Variants in BICRA observed in about 807,000 individuals in gnomAD.
BICRA encodes BRD4-interacting chromatin-remodeling complex-associated protein.
BICRA carries 31 observed loss-of-function variants against 96.9 expected under a neutral mutation model. That is an observed-to-expected ratio of 0.32 (90% confidence interval 0.24 to 0.43). The LOEUF (loss-of-function observed/expected upper bound fraction) is 0.43, where lower values mean the gene tolerates loss of function less well. Ranked by LOEUF, BICRA falls within the 20% of genes least tolerant of loss-of-function variation. The pLI is 1.00. For missense variants in BICRA, 2,283 were observed against 2,190.3 expected, an observed-to-expected ratio of 1.04 and a Z score of -0.84; for synonymous variants, 1,350 against 1,071.8, an observed-to-expected ratio of 1.26 and a Z score of -5.07.
rs372744360 is a variant in BICRA at position 47,701,369 on chromosome 19, G to A, written c.3637G>A (p.Ala1213Thr). 41 of 1,610,888 alleles carry A rather than the reference G, an allele frequency of 2.5e-5. No individual in the cohort carries two copies. Among genetic ancestry groups the A allele is most frequent in the Non-Finnish European group, 3.2e-5 (38 of 1,179,216 alleles). Residue 1213 changes from alanine to threonine, a missense_variant, in exon 15 of 15, where the codon GCA (alanine) becomes ACA (threonine). Coordinates refer to ENST00000594866, the MANE Select transcript of BICRA (RefSeq NM_001394372.1). This position sits in a 1 kb window ranked among gnomAD's most constrained non-coding sequence, Gnocchi z 5.4. ...SSSRSLGLPIAASSEGHRLPG... is the reference protein window; with the variant it reads ...SSSRSLGLPITASSEGHRLPG... ...CTCCCGCTCGCTCGGCCTCCCCATCGCAGCCTCTTCCGAGGGTCATCGGCT... is the reference window on the plus strand; with the variant it reads ...CTCCCGCTCGCTCGGCCTCCCCATCACAGCCTCTTCCGAGGGTCATCGGCT...
intron 1 of BICRA, among the ~76,000 whole-genome samples, chr19:47,609,609 A>G (rs1235298713): frequency 1.4e-5 from 2 of 145,726 alleles, no homozygotes; most frequent in Admixed American, 6.8e-5. Context: ...GGGCGCGGAG[A>G]CCCCCTCCCC....
At chr19:47,697,771 C>G (rs1171633025) in intron 11 of BICRA, among the ~76,000 whole-genome samples, 1 of 152,184 alleles carries the variant, frequency 6.6e-6, no homozygotes, top group East Asian at 1.9e-4. Context: ...AGCCACCATG[C>G]CCGGCCTAGG....
At chr19:47,670,621 C>T (rs541906174) in intron 2 of BICRA, 77 bp downstream of exon 2, 1 of 152,368 alleles carries the variant, frequency 6.6e-6, no homozygotes, top group African/African-American at 2.4e-5. Flanking sequence ...CCACCTTGGC[C>T]CCTGGATGAG....
chr19:47,671,717 G>T (rs1364740183), intron 2 of BICRA, among the ~76,000 whole-genome samples: 1 of 150,364 alleles, frequency 6.7e-6, no homozygotes, highest in Non-Finnish European at 1.5e-5. Context: ...GTGGGTAGAT[G>T]GGTAGAAGGA....
chr19:47,656,564 G>A (rs1972621866), intron 1 of BICRA, among the ~76,000 whole-genome samples: 1 of 152,100 alleles, frequency 6.6e-6, no homozygotes, highest in Non-Finnish European at 1.5e-5. Context: ...GTAATATATA[G>A]AACACAGCCA....
At chr19:47,695,833 GAGAC>G (rs1197589357) in intron 10 of BICRA, among the ~76,000 whole-genome samples, 1 of 152,134 alleles carries the variant, frequency 6.6e-6, no homozygotes, top group African/African-American at 2.4e-5. Context: ...GGGTTTAGAT[GAGAC>G]AGACCGGAGA....
chr19:47,685,786 T>TGCGCGCGTGC (rs1555790135), intron 7 of BICRA, among the ~76,000 whole-genome samples: 25 of 117,966 alleles, frequency 2.1e-4, no homozygotes, highest in South Asian at 1.5e-3. Context: ...TGTGTGTGTG[T>TGCGCGCGTGC]GCGCGCGCGC....
intron 1 of BICRA, among the ~76,000 whole-genome samples, chr19:47,664,386 C>G (rs1045133040): frequency 1.3e-5 from 2 of 152,132 alleles, no homozygotes; most frequent in African/African-American, 4.8e-5. Flanking sequence ...CATGGCTGTT[C>G]TCTGGAGCTG....
intron 1 of BICRA, among the ~76,000 whole-genome samples, chr19:47,647,675 T>C (rs892709219): frequency 8.5e-5 from 13 of 152,064 alleles, no homozygotes; most frequent in African/African-American, 2.4e-4. Flanking sequence ...CGGGTGAGGA[T>C]TGGAAGCCAT....
chr19:47,697,889 T>G (rs1353146018), intron 11 of BICRA, among the ~76,000 whole-genome samples: 1 of 152,218 alleles, frequency 6.6e-6, no homozygotes, highest in Non-Finnish European at 1.5e-5. Flanking sequence ...ATAATTTTTG[T>G]AGAGACAGGG....
chr19:47,686,090 C>T (rs1437951407), intron 7 of BICRA, among the ~76,000 whole-genome samples: 1 of 151,762 alleles, frequency 6.6e-6, no homozygotes, highest in Non-Finnish European at 1.5e-5. Flanking sequence ...GCCACCGCAT[C>T]CAGCTAATAT....
At position 47,699,392 on chromosome 19, in the gene BICRA, C is replaced by A; in HGVS notation, c.3582C>A (p.Ala1194=). ...CCCTTGCCTTGGATAAACAGCTGGC[C>A]AAGGAGAAGCCGGGTGAGAGGGGGG... ...KTTLALDKQL[A]KEKPDEYVSS... The change falls in exon 14 of 15, where the codon GCC becomes GCA. Residue 1194 remains alanine (A), a synonymous_variant. Coordinates refer to ENST00000594866, the MANE Select transcript of BICRA (RefSeq NM_001394372.1). The surrounding 1 kb of genome is among the most constrained non-coding windows in gnomAD (Gnocchi z 5.0). 2 of 1,553,898 alleles carry A rather than the reference C, an allele frequency of 1.3e-6. No individual in the cohort carries two copies. The highest frequency in any genetic ancestry group is 2.4e-5 in the East Asian group (1 of 41,666).
intron 1 of BICRA, among the ~76,000 whole-genome samples, chr19:47,664,485 T>G (rs1449575506): frequency 3.9e-5 from 6 of 152,196 alleles, no homozygotes. Context: ...TGAGTTCAAA[T>G]TCTGGTCCCA....
rs112116002 is a variant in BICRA at position 47,674,138 on chromosome 19, C to G, written c.84+376C>G. On this transcript the variant is annotated intron_variant, in intron 4 of 14. Transcript: ENST00000594866. ...GAGGGAGGTAACATTGAAGGTGAGA[C>G]CTGAAGGATCACAGGGAGGTAGGTG... 2.6e-5 allele frequency among the ~76,000 whole-genome samples: 4 copies of G among 152,204 alleles called. 1 individual carries two copies. The highest frequency in any genetic ancestry group is 5.9e-5 in the Non-Finnish European group (4 of 68,016).
chr19:47,702,069 G>A lies in BICRA; in HGVS notation c.4337G>A (p.Gly1446Asp). ...GAGCTGTACCAGCGTATGCTGAAGG[G>A]CCCCCCGCCAGAGCCCGCAGCCAGC... Reference protein sequence around the residue: ...EDELYQRMLKGPPPEPAASAA... With the variant: ...EDELYQRMLKDPPPEPAASAA... Residue 1446 changes from glycine (G) to aspartate (D), a missense_variant, in exon 15 of 15, where the codon GGC becomes GAC. By Grantham distance (94) the Gly-to-Asp change is moderately conservative. Coordinates refer to ENST00000594866, the MANE Select transcript of BICRA (RefSeq NM_001394372.1). The A allele has an allele frequency of 2.0e-6, 3 of 1,511,034 alleles. No homozygotes were observed. The highest frequency in any genetic ancestry group is 2.1e-4 in the Middle Eastern group (1 of 4,828). 93.6% of individuals were successfully genotyped at this position (1,511,034 alleles called of 1,614,324 possible).
chr19:47,672,976 A>G (rs1407943833), intron 2 of BICRA, among the ~76,000 whole-genome samples: 1 of 151,900 alleles, frequency 6.6e-6, no homozygotes, highest in Non-Finnish European at 1.5e-5. Flanking sequence ...TTGGGAACAC[A>G]TTGCAGACAT....
intron 1 of BICRA, among the ~76,000 whole-genome samples, chr19:47,638,562 A>G: frequency 6.6e-6 from 1 of 151,878 alleles, no homozygotes; most frequent in East Asian, 1.9e-4. Flanking sequence ...TGTTCTGTGC[A>G]TGTGTAAGCA....
chr19:47,681,959 C>A lies in BICRA; in HGVS notation c.2107-17C>A. The A allele has an allele frequency of 6.5e-7, 1 of 1,532,040 alleles. No homozygotes were observed. The highest frequency in any genetic ancestry group is 8.8e-7 in the Non-Finnish European group (1 of 1,139,818). The allele number at this position is 1,532,040 out of a possible 1,614,324, so 94.9% of individuals were successfully genotyped here. ...GTGGGGGCGGCTTTCTGATCCTGTG[C>A]GGGCTGCCCGTTGCAGGAGAGGAGC... On this transcript the variant is annotated splice_polypyrimidine_tract_variant and intron_variant, in intron 6 of 14. Coordinates refer to ENST00000594866, the MANE Select transcript of BICRA (RefSeq NM_001394372.1).
intron 1 of BICRA, among the ~76,000 whole-genome samples, chr19:47,669,496 A>G (rs901581621): frequency 6.6e-6 from 1 of 152,102 alleles, no homozygotes; most frequent in African/African-American, 2.4e-5. Flanking sequence ...CTGAAGTGCC[A>G]GTAAATGACA....
Sources: allele counts gnomAD v4.1 joint callset (sites outside exome capture counted in the v4.1 genomes callset), GRCh38; gene constraint gnomAD v4.1.1; non-coding constraint Gnocchi (gnomAD v3.1); transcripts MANE v1.5; gene names NCBI Gene and HGNC (gene_info 2026-07-23, HGNC 2026-07-21).